Variants in ITGA6 observed in about 807,000 individuals in gnomAD.
ITGA6 encodes integrin subunit alpha 6.
ITGA6 carries 63 observed loss-of-function variants against 133.6 expected under a neutral mutation model. The ratio of observed to expected loss-of-function variants is 0.47; its 90% CI spans 0.38 to 0.58. The LOEUF (loss-of-function observed/expected upper bound fraction) is 0.58, where lower values mean the gene tolerates loss of function less well. ITGA6 is among the 20% of genes least tolerant of loss of function. The probability of loss-of-function intolerance (pLI) is 0.00; values close to 1 mark genes in which losing one functional copy is unlikely to be tolerated. For missense variants in ITGA6, 1,068 were observed against 1,309.4 expected, an observed-to-expected ratio of 0.82 and a Z score of 2.85; for synonymous variants, 434 against 482.0, an observed-to-expected ratio of 0.90 and a Z score of 1.30.
intron 1 of ITGA6, among the ~76,000 whole-genome samples, chr2:172,436,213 C>A (rs1574314929): frequency 6.6e-6 from 1 of 152,198 alleles, no homozygotes; most frequent in East Asian, 1.9e-4. Flanking sequence ...AGGACAGTGG[C>A]CTTGGGGAAG....
At position 172,484,451 on chromosome 2, in the gene ITGA6, T is replaced by C. The variant is rs148965632; in HGVS notation, c.1550-331T>C. Among the ~76,000 whole-genome samples the C allele has an allele frequency of 8.3e-3, 1,265 of 152,322 alleles. 17 individuals are homozygous for C. Among genetic ancestry groups the C allele is most frequent in the African/African-American group, 0.028 (1,173 of 41,566 alleles). On this transcript the variant is annotated intron_variant, in intron 11 of 25. Transcript: ENST00000684293. The stretch of plus-strand genomic sequence containing the variant: ...TGCTCGGGGGAGTGTTGGGTTCCTC[T>C]GCTTATCGTTAGTATTCTGTGGGTT...
At chr2:172,427,545 T>G (rs545924680), upstream of ITGA6, 14 of 1,174,198 alleles carry the variant, frequency 1.2e-5, no homozygotes, top group South Asian at 1.1e-4. Flanking sequence ...GGGGCCGGCG[T>G]CCTCGTCACT....
intron 11 of ITGA6, chr2:172,481,064 G>C (rs942474350): frequency 6.6e-6 from 1 of 152,110 alleles, no homozygotes; most frequent in Admixed American, 6.5e-5. Context: ...TCTCAACCCG[G>C]GTCCGGCCAT....
intron 1 of ITGA6, among the ~76,000 whole-genome samples, chr2:172,454,070 G>GT (rs374720736): frequency 0.016 from 2,302 of 141,802 alleles, 54 homozygotes; most frequent in African/African-American, 0.058. Context: ...AAAGTGGGAA[G>GT]TTTTTTTTTT....
chr2:172,448,469 G>A (rs191951953), intron 1 of ITGA6, among the ~76,000 whole-genome samples: 4,214 of 152,228 alleles, frequency 0.028, 181 homozygotes, highest in African/African-American at 0.094. Context: ...AATGGGTAAT[G>A]GCAATAGTGT....
At chr2:172,485,830 A>G (rs1173049847) in intron 13 of ITGA6, among the ~76,000 whole-genome samples, 2 of 152,200 alleles carry the variant, frequency 1.3e-5, no homozygotes, top group Non-Finnish European at 2.9e-5. Flanking sequence ...GTGCAAGGTT[A>G]GCCCGGGCAG....
At chr2:172,500,060 T>C (rs1354508564) in intron 24 of ITGA6, among the ~76,000 whole-genome samples, 1 of 152,192 alleles carries the variant, frequency 6.6e-6, no homozygotes. Context: ...TTATTTAATA[T>C]GTTAAAGTCA....
chr2:172,490,882 T>C, intron 20 of ITGA6, 142 bp from the exon 21 acceptor site: 1 of 674,804 alleles, frequency 1.5e-6, no homozygotes, highest in Admixed American at 2.4e-5. Context: ...TTACACTTAC[T>C]TCTGTGCCTT....
chr2:172,456,932 C>A (rs1249190403), intron 1 of ITGA6, among the ~76,000 whole-genome samples: 1 of 152,052 alleles, frequency 6.6e-6, no homozygotes, highest in East Asian at 1.9e-4. Context: ...TCTAAAAGGA[C>A]CTCAATCCAT....
chr2:172,467,438 C>T, intron 2 of ITGA6, 43 bp from the exon 3 acceptor site: 4 of 1,457,716 alleles, frequency 2.7e-6, no homozygotes, highest in Non-Finnish European at 3.9e-6. Flanking sequence ...TGGTTTCTAG[C>T]ATGTGCAGTC....
At chr2:172,480,956 G>A (rs1686416732) in intron 11 of ITGA6, 2 of 152,194 alleles carry the variant, frequency 1.3e-5, no homozygotes, top group Non-Finnish European at 2.9e-5. Flanking sequence ...TTCTTCAGCT[G>A]TGAGTCACCT....
Position 172,479,693 on chromosome 2 carries a change from A to G in ITGA6, c.1441A>G (p.Ile481Val), listed in dbSNP as rs754791197. 6.2e-7 allele frequency: 1 copy of G among 1,613,896 alleles called. No homozygotes were observed. The highest frequency in any genetic ancestry group is 1.7e-5 in the Admixed American group (1 of 59,998). The change falls in exon 10 of 26, where the codon ATT (isoleucine) becomes GTT (valine). Residue 481 changes from isoleucine to valine, a missense_variant. Around this residue, in one of 3 missense-constraint regions of ITGA6, gnomAD observed 609 missense variants for 707.2 expected, o/e 0.86. Transcript: ENST00000684293. ...QKTITVTPNRIDLRQKTACGA... is the reference protein window; with the variant it reads ...QKTITVTPNRVDLRQKTACGA... The stretch of plus-strand genomic sequence containing the variant: ...AACCATCACAGTAACTCCTAACAGA[A>G]TTGACCTCCGCCAGAAAACAGCGTG...
rs17664 is a variant in ITGA6, at chr2:172,504,503, A to T, written c.*435A>T. 9.1e-6 allele frequency: 3 copies of T among 329,214 alleles called. No individual in the cohort carries two copies. The highest frequency in any genetic ancestry group is 1.1e-5 in the Non-Finnish European group (2 of 177,202). 20.4% of individuals were successfully genotyped at this position (329,214 alleles called of 1,614,324 possible). On this transcript the variant is annotated 3_prime_UTR_variant, in exon 26 of 26. Transcript: ENST00000684293. ...TAATTTAACTTTCTGGGTTGCCTTT[A>T]TTTTTGGCGTGGCTGACTTACATCA...
intron 1 of ITGA6, among the ~76,000 whole-genome samples, chr2:172,457,612 A>T (rs1685264111): frequency 6.6e-6 from 1 of 152,182 alleles, no homozygotes. Flanking sequence ...ATAAAGCTTA[A>T]ATATATATGT....
At position 172,480,019 on chromosome 2, in the gene ITGA6, C is replaced by T. The variant is rs139324320; in HGVS notation, c.1517C>T (p.Thr506Ile). ...CAGGTTAAATCCTGTTTTGAATATA[C>T]TGCTAACCCCGCTGGTTATAATCCT... ...CLQVKSCFEYTANPAGYNPSI... is the reference protein window; with the variant it reads ...CLQVKSCFEYIANPAGYNPSI... The change falls in exon 11 of 26, where the codon ACT becomes ATT. Residue 506 changes from threonine to isoleucine, a missense_variant. This residue lies in a region of ITGA6 where 609 missense variants were observed against 707.2 expected (regional missense o/e 0.86). Transcript: ENST00000684293. 234 of 1,591,886 alleles carry T rather than the reference C, an allele frequency of 1.5e-4. 1 individual carries two copies. The Middle Eastern group carries it at 5.8e-3, about 40-fold the overall frequency.
intron 2 of ITGA6, 42 bp from the exon 3 acceptor site, chr2:172,467,439 A>G: frequency 2.0e-6 from 3 of 1,470,210 alleles, no homozygotes; most frequent in Non-Finnish European, 2.9e-6. Flanking sequence ...GGTTTCTAGC[A>G]TGTGCAGTCA....
At chr2:172,498,168 C>G (rs1385498314) in intron 24 of ITGA6, 68 bp downstream of exon 24, 1 of 1,431,608 alleles carries the variant, frequency 7.0e-7, no homozygotes, top group African/African-American at 1.4e-5. Context: ...TGGGAATCAG[C>G]ACTGATAGTA....
At chr2:172,460,397 T>C (rs1240138614) in intron 1 of ITGA6, among the ~76,000 whole-genome samples, 1 of 152,154 alleles carries the variant, frequency 6.6e-6, no homozygotes, top group Non-Finnish European at 1.5e-5. Flanking sequence ...GAAGGGAAAA[T>C]AGAGGTTTAA....
At chr2:172,476,306 C>T in intron 8 of ITGA6, 89 bp from the exon 9 acceptor site, 1 of 809,404 alleles carries the variant, frequency 1.2e-6, no homozygotes. Context: ...AATTTCAGTT[C>T]AAAAGAAACT....
Sources: allele counts gnomAD v4.1 joint callset (sites outside exome capture counted in the v4.1 genomes callset), GRCh38; gene constraint gnomAD v4.1.1; regional missense constraint gnomAD v4.1.1; transcripts MANE v1.5; gene names NCBI Gene and HGNC (gene_info 2026-07-23, HGNC 2026-07-21).